Variants in WWOX observed in about 807,000 individuals in gnomAD.
WWOX encodes WW domain-containing oxidoreductase.
WWOX carries 69 observed loss-of-function variants against 46.2 expected under a neutral mutation model. The ratio of observed to expected loss-of-function variants is 1.49; its 90% CI spans 1.23 to 1.82. WWOX has a LOEUF of 1.82. Ranked by LOEUF, WWOX falls within the 40% of genes most tolerant of loss-of-function variation. WWOX has a pLI of 0.00. For synonymous variants in WWOX, 359 were observed against 202.6 expected (o/e 1.77, Z -6.56); for missense variants, 919 against 542.6 (o/e 1.69, Z -6.89).
At chr16:78,577,755 G>T (rs911564894) in intron 8 of WWOX, among the ~76,000 whole-genome samples, 15 of 152,158 alleles carry the variant, frequency 9.9e-5, no homozygotes, top group African/African-American at 3.6e-4. Context: ...TAGCAGTCTT[G>T]CGGAAGGTGC....
At chr16:78,686,315 T>C (rs927624767) in intron 8 of WWOX, among the ~76,000 whole-genome samples, 10 of 152,130 alleles carry the variant, frequency 6.6e-5, no homozygotes, top group African/African-American at 2.2e-4. Flanking sequence ...ATCCAGACCA[T>C]CCTGGCTAAG....
At chr16:78,334,924 T>TA (rs538880972) in intron 5 of WWOX, among the ~76,000 whole-genome samples, 2,011 of 140,484 alleles carry the variant, frequency 0.014, 51 homozygotes, top group African/African-American at 0.046. Context: ...CATCTTTTTT[T>TA]AAAAAAAAAA....
At chr16:78,889,247 C>T (rs1427896090) in intron 8 of WWOX, among the ~76,000 whole-genome samples, 1 of 152,134 alleles carries the variant, frequency 6.6e-6, no homozygotes, top group Non-Finnish European at 1.5e-5. Context: ...CAGCTCCACT[C>T]ATTCATTTAT....
chr16:78,751,531 CAT>C (rs1291394433), intron 8 of WWOX, among the ~76,000 whole-genome samples: 3 of 146,410 alleles, frequency 2.0e-5, no homozygotes, highest in Non-Finnish European at 3.0e-5. Context: ...ACCCAAAACT[CAT>C]ATAAAAAGAC....
chr16:78,987,730 C>A (rs538756583), intron 8 of WWOX, among the ~76,000 whole-genome samples: 5 of 152,180 alleles, frequency 3.3e-5, no homozygotes, highest in Non-Finnish European at 5.9e-5. Flanking sequence ...ATGAGAGTTG[C>A]GATATGTCGG....
At chr16:79,048,005 T>C (rs1388839413) in intron 8 of WWOX, among the ~76,000 whole-genome samples, 1 of 152,112 alleles carries the variant, frequency 6.6e-6, no homozygotes, top group Non-Finnish European at 1.5e-5. Context: ...AAAATATCCC[T>C]TGTGGTCAAG....
At chr16:78,403,068 T>C (rs1361920966) in intron 6 of WWOX, among the ~76,000 whole-genome samples, 1 of 152,258 alleles carries the variant, frequency 6.6e-6, no homozygotes, top group Non-Finnish European at 1.5e-5. Flanking sequence ...TTCTGAACTC[T>C]ATTACAGCTC....
chr16:78,127,205 G>A (rs2151691573), intron 4 of WWOX, among the ~76,000 whole-genome samples: 1 of 152,286 alleles, frequency 6.6e-6, no homozygotes, highest in Non-Finnish European at 1.5e-5. Context: ...ACTTTGCAAA[G>A]TTGTTAAAGA....
At chr16:79,133,462 G>T (rs978755652) in intron 8 of WWOX, among the ~76,000 whole-genome samples, 2 of 152,212 alleles carry the variant, frequency 1.3e-5, no homozygotes, top group Non-Finnish European at 2.9e-5. Flanking sequence ...CACAGAACGA[G>T]TACGGTCTCT....
At chr16:78,752,372 C>T (rs879839122) in intron 8 of WWOX, among the ~76,000 whole-genome samples, 1 of 152,210 alleles carries the variant, frequency 6.6e-6, no homozygotes, top group Admixed American at 6.5e-5. Flanking sequence ...ACTGCAACCT[C>T]TGCCTCCTGG....
At chr16:78,903,099 C>T (rs971333118) in intron 8 of WWOX, among the ~76,000 whole-genome samples, 2 of 152,180 alleles carry the variant, frequency 1.3e-5, no homozygotes, top group Non-Finnish European at 2.9e-5. Context: ...AACTACACTC[C>T]ATAGAGTGGG....
intron 8 of WWOX, among the ~76,000 whole-genome samples, chr16:78,783,091 A>G (rs1463594645): frequency 6.6e-6 from 1 of 152,264 alleles, no homozygotes. Context: ...TATATGCACA[A>G]AAATGAGCAG....
chr16:78,343,533 G>A (rs73576490), intron 5 of WWOX, among the ~76,000 whole-genome samples: 2,432 of 120,562 alleles, frequency 0.02, 585 homozygotes, highest in African/African-American at 0.066. Context: ...AAAGCTTCTG[G>A]GCACAGCCCC....
At chr16:78,165,639 C>T (rs533989895) in intron 5 of WWOX, among the ~76,000 whole-genome samples, 22 of 152,228 alleles carry the variant, frequency 1.4e-4, no homozygotes, top group African/African-American at 5.3e-4. Context: ...GCTGGGTACA[C>T]CCTGTGGAGG....
At chr16:78,470,616 T>A (rs980714524) in intron 8 of WWOX, among the ~76,000 whole-genome samples, 2 of 152,212 alleles carry the variant, frequency 1.3e-5, no homozygotes, top group African/African-American at 4.8e-5. Flanking sequence ...TGAAACCTCC[T>A]CCTCCTGGAT....
At chr16:78,721,787 C>T (rs774484176) in intron 8 of WWOX, among the ~76,000 whole-genome samples, 6 of 152,124 alleles carry the variant, frequency 3.9e-5, no homozygotes, top group African/African-American at 1.2e-4. Flanking sequence ...GCAGGTGCTC[C>T]GAAGATACCC....
chr16:79,126,219 T>A (rs1369823800), intron 8 of WWOX, among the ~76,000 whole-genome samples: 1 of 151,964 alleles, frequency 6.6e-6, no homozygotes, highest in Non-Finnish European at 1.5e-5. Flanking sequence ...AGCTTGGGCT[T>A]TGGGGTGCTG....
chr16:79,025,628 A>G (rs1436466869), intron 8 of WWOX, among the ~76,000 whole-genome samples: 6 of 152,064 alleles, frequency 3.9e-5, no homozygotes, highest in South Asian at 4.2e-4. Context: ...TCACACCTAG[A>G]CTTTAGACTT....
At chr16:78,472,900 C>G (rs1340916359) in intron 8 of WWOX, among the ~76,000 whole-genome samples, 1 of 151,984 alleles carries the variant, frequency 6.6e-6, no homozygotes, top group African/African-American at 2.4e-5. Flanking sequence ...GATTACTGCG[C>G]CACTCCCTTC....
Sources: allele counts gnomAD v4.1 joint callset (sites outside exome capture counted in the v4.1 genomes callset), GRCh38; gene constraint gnomAD v4.1.1; transcripts MANE v1.5; gene names NCBI Gene and HGNC (gene_info 2026-07-23, HGNC 2026-07-21).